BET1: variants seen among roughly 807,000 people sequenced by gnomAD.
The protein encoded by BET1 is Bet1 golgi vesicular membrane trafficking protein.
In BET1, 9 loss-of-function variants were observed where a neutral mutation model predicts 13.9. The observed-to-expected ratio is 0.65, with a 90% CI of 0.39 to 1.13. The LOEUF is 1.13. Among genes scored for constraint, BET1 ranks in the 50% most tolerant of loss-of-function variants. The pLI is 0.01. For synonymous variants in BET1, 39 were observed against 47.3 expected (o/e 0.82, Z 0.72); for missense variants, 127 against 133.6 (o/e 0.95, Z 0.24).
chr7:93,976,910 A>G (rs1795345445), intron 4 of BET1, among the ~76,000 whole-genome samples: 1 of 152,040 alleles, frequency 6.6e-6, no homozygotes, highest in Non-Finnish European at 1.5e-5. Flanking sequence ...TCTCACTTAT[A>G]AGTGAGAAGA....
rs751444235 is a variant in BET1 at position 93,999,162 on chromosome 7, A to T, written c.144+8T>A. 6.3e-7 allele frequency: 1 copy of T among 1,596,312 alleles called. No individual in the cohort carries two copies. The highest frequency in any genetic ancestry group is 1.3e-5 in the African/African-American group (1 of 74,668). Reference sequence around the variant, plus strand: ...TTAAAACACATATAATATTTGTTATATACTTACAGATTTTATAGCAGTTAC... The same window carrying T: ...TTAAAACACATATAATATTTGTTATTTACTTACAGATTTTATAGCAGTTAC... On this transcript the variant is annotated splice_region_variant and intron_variant, in intron 2 of 3. Transcript: ENST00000222547.
intron 1 of BET1, among the ~76,000 whole-genome samples, chr7:94,002,392 T>C (rs1795925455): frequency 6.7e-6 from 1 of 149,298 alleles, no homozygotes; most frequent in Non-Finnish European, 1.5e-5. Flanking sequence ...CACACCAATG[T>C]AAATTATAGC....
chr7:93,999,255 T>C lies in BET1; in HGVS notation c.59A>G (p.Tyr20Cys), dbSNP rs374724468. 1.2e-5 allele frequency: 20 copies of C among 1,613,310 alleles called. No homozygotes were observed. The highest frequency in any genetic ancestry group is 1.2e-5 in the Non-Finnish European group (14 of 1,179,522). ...VPPGNYGNYG[Y>C]ANSGYSACEE... ...ACAGGCACTATACCCACTATTAGCATAGCCATAGTTCCCATAGTTGCCAGG... is the reference window on the plus strand; with the variant it reads ...ACAGGCACTATACCCACTATTAGCACAGCCATAGTTCCCATAGTTGCCAGG... The change falls in exon 2 of 4, where the codon TAT becomes TGT. Residue 20 changes from tyrosine (Y) to cysteine (C), a missense_variant. Transcript: ENST00000222547.
At chr7:93,996,457 G>T in intron 2 of BET1, 136 bp from the exon 3 acceptor site, 4 of 564,974 alleles carry the variant, frequency 7.1e-6, no homozygotes, top group Non-Finnish European at 1.2e-5. Flanking sequence ...CTCTTTTTCT[G>T]ATACTTTTTC....
At chr7:93,983,110 A>C (rs1795456655) in intron 4 of BET1, among the ~76,000 whole-genome samples, 1 of 152,176 alleles carries the variant, frequency 6.6e-6, no homozygotes, top group Admixed American at 6.5e-5. Context: ...AGTCTGGGAG[A>C]TTCCCATTTT....
chr7:93,965,688 C>A (rs1795161358), intron 6 of BET1: 1 of 151,892 alleles, frequency 6.6e-6, no homozygotes, highest in African/African-American at 2.4e-5. Context: ...GCATTAATTT[C>A]TGTGTAAAAT....
chr7:93,997,016 T>A (rs1795784711), intron 2 of BET1, among the ~76,000 whole-genome samples: 1 of 151,934 alleles, frequency 6.6e-6, no homozygotes, highest in African/African-American at 2.4e-5. Flanking sequence ...TTGAAAAAAA[T>A]AAATATTAGT....
Position 93,993,578 on chromosome 7 carries a change from A to T in BET1, c.*652T>A. 1 of 1,077,486 alleles carries T rather than the reference A, an allele frequency of 9.3e-7. No individual in the cohort carries two copies. The highest frequency in any genetic ancestry group is 1.1e-6 in the Non-Finnish European group (1 of 887,360). 66.7% of individuals were successfully genotyped at this position (1,077,486 alleles called of 1,614,324 possible). A position where few individuals can be genotyped will look rare whatever the true frequency, so the allele number is the denominator to read the frequency against. On this transcript the variant is annotated 3_prime_UTR_variant, in exon 4 of 4. Coordinates refer to ENST00000222547, the MANE Select transcript of BET1 (RefSeq NM_005868.6). The stretch of plus-strand genomic sequence containing the variant: ...CAAGAGAATTCATAAAGTTAATATG[A>T]AATAATAACTATACTGATACACATG...
In BET1 at chr7:93,968,335, C is replaced by A. The variant is rs530983209; in HGVS notation, c.*138-2648G>T. 6 of 151,764 alleles carry A rather than the reference C, an allele frequency of 4.0e-5. No individual in the cohort carries two copies. In the South Asian group the frequency reaches 1.2e-3, roughly 31 times the overall value. The allele number at this position is 151,764 out of a possible 1,614,324, so 9.4% of individuals were successfully genotyped here. A position where few individuals can be genotyped will look rare whatever the true frequency, so the allele number is the denominator to read the frequency against. ...CCAAACTGTGTAAATATTTCAAAAC[C>A]ATACATACAAAAGTATTACCTAATT... is the stretch of plus-strand genomic sequence containing the variant. On this transcript the variant is annotated intron_variant and NMD_transcript_variant, in intron 6 of 6. Coordinates refer to the BET1 transcript ENST00000357520.
At chr7:93,974,525 C>T (rs1382896078) in intron 5 of BET1, among the ~76,000 whole-genome samples, 1 of 151,902 alleles carries the variant, frequency 6.6e-6, no homozygotes, top group African/African-American at 2.4e-5. Context: ...GAAAAGATCC[C>T]AATGCCCAAA....
chr7:93,984,105 C>T (rs1795480325), intron 4 of BET1, among the ~76,000 whole-genome samples: 1 of 152,156 alleles, frequency 6.6e-6, no homozygotes, highest in Admixed American at 6.6e-5. Context: ...GGGTAGGATC[C>T]TTTCTTGCCT....
intron 4 of BET1, among the ~76,000 whole-genome samples, chr7:93,979,160 A>C (rs1007766975): frequency 1.3e-5 from 2 of 152,114 alleles, no homozygotes; most frequent in Non-Finnish European, 2.9e-5. Context: ...GGAAGACAGG[A>C]AGGGAGTATC....
chr7:93,993,667 G>A lies in BET1; in HGVS notation c.*563C>T. The stretch of plus-strand genomic sequence containing the variant: ...TTTTATTTAAAGAATGAGGTCTTTG[G>A]GCAGAAAGAAATGAGGGGTCATTAT... On this transcript the variant is annotated 3_prime_UTR_variant, in exon 4 of 4. Transcript: ENST00000222547. The A allele has an allele frequency of 5.3e-6, 7 of 1,319,904 alleles. No individual in the cohort carries two copies. Among genetic ancestry groups the A allele is most frequent in the Non-Finnish European group, 6.7e-6 (7 of 1,040,538 alleles). The allele number at this position is 1,319,904 out of a possible 1,614,324, so 81.8% of individuals were successfully genotyped here. A position where few individuals can be genotyped will look rare whatever the true frequency, so the allele number is the denominator to read the frequency against.
Position 93,999,270 on chromosome 7 carries a change from T to G in BET1, c.44A>C (p.Tyr15Ser), listed in dbSNP as rs1205842236. Residue 15 changes from tyrosine to serine, a missense_variant, in exon 2 of 4, where the codon TAT (tyrosine) becomes TCT (serine). Tyr to Ser is a moderately radical substitution (Grantham distance 144). Coordinates refer to ENST00000222547, the MANE Select transcript of BET1 (RefSeq NM_005868.6). The stretch of plus-strand genomic sequence containing the variant: ...ACTATTAGCATAGCCATAGTTCCCA[T>G]AGTTGCCAGGAGGTACTCCTTCACC... ...GLGEGVPPGN[Y>S]GNYGYANSGY... The G allele has an allele frequency of 6.2e-7, 1 of 1,612,394 alleles. No individual in the cohort carries two copies. Among genetic ancestry groups the G allele is most frequent in the Admixed American group, 1.7e-5 (1 of 59,898 alleles).
chr7:94,000,271 A>AT (rs35875914), intron 1 of BET1: 20,295 of 142,562 alleles, frequency 0.14, 3,986 homozygotes, highest in African/African-American at 0.45. Context: ...CACCTGGCTA[A>AT]TTTTTTTTTT....
chr7:93,971,866 G>C (rs1217086126), intron 6 of BET1, among the ~76,000 whole-genome samples: 1 of 151,122 alleles, frequency 6.6e-6, no homozygotes. Context: ...AATTTTAAAG[G>C]TGCAGATAAA....
At chr7:93,982,910 GTA>G (rs1681422230) in intron 4 of BET1, among the ~76,000 whole-genome samples, 1 of 152,150 alleles carries the variant, frequency 6.6e-6, no homozygotes. Flanking sequence ...TGAGAAAAGA[GTA>G]TGTACATTTC....
At chr7:93,986,216 T>C (rs1468627956) in intron 4 of BET1, among the ~76,000 whole-genome samples, 1 of 152,200 alleles carries the variant, frequency 6.6e-6, no homozygotes, top group African/African-American at 2.4e-5. Context: ...CTTGAATTTA[T>C]AAAATAATGT....
intron 5 of BET1, among the ~76,000 whole-genome samples, chr7:93,973,120 T>C (rs1795284549): frequency 6.6e-6 from 1 of 151,930 alleles, no homozygotes; most frequent in South Asian, 2.1e-4. Flanking sequence ...GTTATACAGA[T>C]ATTTGAAGTA....
Sources: allele counts gnomAD v4.1 joint callset (sites outside exome capture counted in the v4.1 genomes callset), GRCh38; gene constraint gnomAD v4.1.1; transcripts MANE v1.5; gene names NCBI Gene and HGNC (gene_info 2026-07-23, HGNC 2026-07-21).